NDUFC1: variants seen among roughly 807,000 people sequenced by gnomAD.
The protein encoded by NDUFC1 is NADH:ubiquinone oxidoreductase subunit C1, also known as NADH dehydrogenase [ubiquinone] 1 subunit C1, mitochondrial.
Under a neutral mutation model 11.6 loss-of-function variants are expected in NDUFC1, and 11 were observed. The observed-to-expected ratio is 0.95, with a 90% CI of 0.60 to 1.58. The LOEUF (loss-of-function observed/expected upper bound fraction) is 1.58, where lower values mean the gene tolerates loss of function less well. NDUFC1 is among the 40% of genes most tolerant of loss of function. The probability of loss-of-function intolerance (pLI) is 0.00; values close to 1 mark genes in which losing one functional copy is unlikely to be tolerated. For synonymous variants in NDUFC1, 52 were observed against 42.2 expected (o/e 1.23, Z -0.90); for missense variants, 112 against 93.0 (o/e 1.20, Z -0.84).
chr4:139,299,900 T>G (rs1317427765), intron 1 of NDUFC1, among the ~76,000 whole-genome samples: 1 of 152,196 alleles, frequency 6.6e-6, no homozygotes, highest in Non-Finnish European at 1.5e-5. Context: ...AGGAGAAATT[T>G]AGAGAACTAT....
chr4:139,297,730 T>C (rs1275900855), intron 1 of NDUFC1, among the ~76,000 whole-genome samples: 1 of 152,180 alleles, frequency 6.6e-6, no homozygotes, highest in East Asian at 1.9e-4. Flanking sequence ...AAAATCCCTA[T>C]TTTTATTGAT....
intron 4 of NDUFC1, among the ~76,000 whole-genome samples, chr4:139,294,240 G>C (rs1745358377): frequency 6.6e-6 from 1 of 151,842 alleles, no homozygotes; most frequent in African/African-American, 2.4e-5. Context: ...ACCACGTCCG[G>C]CCTGAAAATT....
At chr4:139,298,375 T>G (rs1414555034) in intron 1 of NDUFC1, among the ~76,000 whole-genome samples, 1 of 148,822 alleles carries the variant, frequency 6.7e-6, no homozygotes, top group Non-Finnish European at 1.5e-5. Context: ...GGAGGCAGAG[T>G]TGCGGTGAGC....
intron 5 of NDUFC1, among the ~76,000 whole-genome samples, chr4:139,291,491 C>T (rs1393877211): frequency 6.6e-6 from 1 of 152,016 alleles, no homozygotes; most frequent in East Asian, 1.9e-4. Flanking sequence ...AGGAGAATTG[C>T]TTGAACCTGG....
At chr4:139,300,771 C>CT (rs1745679068) in intron 1 of NDUFC1, 1 of 152,166 alleles carries the variant, frequency 6.6e-6, no homozygotes, top group East Asian at 1.9e-4. Context: ...GGTAGTCTGT[C>CT]TTTAAGTCTC....
At chr4:139,299,346 G>C (rs1213922682) in intron 1 of NDUFC1, among the ~76,000 whole-genome samples, 1 of 151,668 alleles carries the variant, frequency 6.6e-6, no homozygotes, top group African/African-American at 2.4e-5. Flanking sequence ...CATATATGGA[G>C]AAATTTCACT....
intron 4 of NDUFC1, 90 bp from the exon 5 acceptor site, chr4:139,292,699 C>T: frequency 1.3e-6 from 1 of 794,636 alleles, no homozygotes; most frequent in Non-Finnish European, 1.9e-6. Context: ...AAATAAACAA[C>T]TATTCTAGTT....
intron 2 of NDUFC1, chr4:139,296,515 A>T (rs1745482665): frequency 1.3e-5 from 2 of 152,232 alleles, no homozygotes; most frequent in Non-Finnish European, 2.9e-5. Context: ...TAAGCTGTAG[A>T]ATCAGCGTTC....
chr4:139,302,482 T>C (rs1281927908), upstream of NDUFC1: 2 of 152,134 alleles, frequency 1.3e-5, no homozygotes, highest in African/African-American at 2.4e-5. Context: ...GTTTCTGGAG[T>C]AGGGATGAGG....
chr4:139,294,423 A>G (rs1745366722), intron 4 of NDUFC1, among the ~76,000 whole-genome samples: 1 of 152,034 alleles, frequency 6.6e-6, no homozygotes, highest in African/African-American at 2.4e-5. Flanking sequence ...ATTAGCCTCA[A>G]TTCTCATTAA....
At chr4:139,293,200 G>C (rs996965990) in intron 4 of NDUFC1, among the ~76,000 whole-genome samples, 9 of 152,142 alleles carry the variant, frequency 5.9e-5, no homozygotes, top group African/African-American at 1.9e-4. Flanking sequence ...TATCATGAAG[G>C]GGTAAATCAA....
intron 1 of NDUFC1, among the ~76,000 whole-genome samples, chr4:139,300,008 T>C (rs1745642386): frequency 6.6e-6 from 1 of 152,200 alleles, no homozygotes; most frequent in African/African-American, 2.4e-5. Context: ...ATCAACTGCA[T>C]TTAGACTATT....
At chr4:139,295,433 G>C (rs1745421042) in intron 3 of NDUFC1, among the ~76,000 whole-genome samples, 1 of 152,174 alleles carries the variant, frequency 6.6e-6, no homozygotes, top group Non-Finnish European at 1.5e-5. Flanking sequence ...CCCGGGGAGG[G>C]TGTCTCCTCT....
intron 3 of NDUFC1, 152 bp from the exon 4 acceptor site, chr4:139,295,298 A>C: frequency 1.5e-6 from 1 of 665,504 alleles, no homozygotes; most frequent in Non-Finnish European, 2.7e-6. Context: ...CAAAGAGATC[A>C]AGTACCTCGC....
At position 139,295,897 on chromosome 4, in the gene NDUFC1, TG is replaced by T; in HGVS notation, c.-100del. Reference sequence around the variant, plus strand: ...TCGAGGGCTCTGCAGCAGAGCTCCGTGGGGGCGTCAACGTGAATTCCAGCAC... The same window carrying T: ...TCGAGGGCTCTGCAGCAGAGCTCCGTGGGGCGTCAACGTGAATTCCAGCAC... On this transcript the variant is annotated 5_prime_UTR_variant, in exon 3 of 6. Coordinates refer to ENST00000394223, the MANE Select transcript of NDUFC1 (RefSeq NM_001184989.2). 8.0e-7 allele frequency: 1 copy of T among 1,250,504 alleles called. No homozygotes were observed. Among genetic ancestry groups the T allele is most frequent in the South Asian group, 1.4e-5 (1 of 71,720 alleles). 77.5% of individuals were successfully genotyped at this position (1,250,504 alleles called of 1,614,324 possible).
In NDUFC1 at chr4:139,293,930, A is replaced by ATTTTTTTT. The variant is rs775805536; in HGVS notation, c.171+1105_171+1112dup. ...TTTATGTGTAAAGCATGTGGTGTGAATTTTTTTTTTTTTTTTTTTTTTTTT... is the reference window on the plus strand; with the variant it reads ...TTTATGTGTAAAGCATGTGGTGTGAATTTTTTTTTTTTTTTTTTTTTTTTTTTTTTTTT... On this transcript the variant is annotated intron_variant, in intron 4 of 5. Coordinates refer to ENST00000394223, the MANE Select transcript of NDUFC1 (RefSeq NM_001184989.2). Among the ~76,000 whole-genome samples the ATTTTTTTT allele has an allele frequency of 6.9e-4, 48 of 69,746 alleles. 3 individuals carry two copies. The highest frequency in any genetic ancestry group is 2.8e-3 in the African/African-American group (44 of 15,748). 45.8% of individuals were successfully genotyped at this position (69,746 alleles called of 152,430 possible). A position where few individuals can be genotyped will look rare whatever the true frequency, so the allele number is the denominator to read the frequency against.
At chr4:139,299,100 G>C (rs1745598210) in intron 1 of NDUFC1, among the ~76,000 whole-genome samples, 1 of 152,008 alleles carries the variant, frequency 6.6e-6, no homozygotes, top group South Asian at 2.1e-4. Flanking sequence ...CTCCTGGATA[G>C]CTGGGGTTAC....
chr4:139,293,081 A>C lies in NDUFC1; in HGVS notation c.172-472T>G, dbSNP rs146186156. On this transcript the variant is annotated intron_variant, in intron 4 of 5. Coordinates refer to ENST00000394223, the MANE Select transcript of NDUFC1 (RefSeq NM_001184989.2). ...GTGATCCACCCGCCTCGGCCTCCCAAAGTGTTGGGATTACAGGCATGAGCC... is the reference window on the plus strand; with the variant it reads ...GTGATCCACCCGCCTCGGCCTCCCACAGTGTTGGGATTACAGGCATGAGCC... Among the ~76,000 whole-genome samples the C allele has an allele frequency of 1.4e-3, 215 of 152,242 alleles. 2 individuals carry two copies. The highest frequency in any genetic ancestry group is 4.9e-3 in the African/African-American group (203 of 41,542).
intron 4 of NDUFC1, among the ~76,000 whole-genome samples, chr4:139,293,057 T>G (rs543013893): frequency 2.6e-5 from 4 of 152,174 alleles, no homozygotes; most frequent in Admixed American, 2.6e-4. Context: ...TGAGCTCAGG[T>G]GATCCACCCG....
Sources: allele counts gnomAD v4.1 joint callset (sites outside exome capture counted in the v4.1 genomes callset), GRCh38; gene constraint gnomAD v4.1.1; transcripts MANE v1.5; gene names NCBI Gene and HGNC (gene_info 2026-07-23, HGNC 2026-07-21).